RBPMS2: variants seen among roughly 807,000 people sequenced by gnomAD.
RBPMS2 encodes RNA binding protein, mRNA processing factor 2, also known as RNA-binding protein with multiple splicing 2.
A neutral mutation model predicts 25.7 loss-of-function variants in RBPMS2; 14 were observed. The observed-to-expected ratio is 0.55, with a 90% CI of 0.36 to 0.85. RBPMS2 has a LOEUF of 0.85. RBPMS2 is among the 40% of genes least tolerant of loss of function. The pLI, the probability that RBPMS2 is intolerant of heterozygous loss-of-function variation, is 0.01. For synonymous variants in RBPMS2, 127 were observed against 115.6 expected (o/e 1.10, Z -0.63); for missense variants, 252 against 283.4 (o/e 0.89, Z 0.80).
Position 64,750,361 on chromosome 15 carries a change from G to A in RBPMS2, c.186C>T (p.Ile62=), listed in dbSNP as rs61741344. The A allele has an allele frequency of 0.029, 46,402 of 1,613,566 alleles. 3,301 individuals are homozygous for A. The highest frequency in any genetic ancestry group is 0.25 in the South Asian group (22,589 of 90,994). Residue 62 remains isoleucine, a synonymous_variant, in exon 3 of 8, where the codon ATC becomes ATT. Transcript: ENST00000300069. ...RPFKGYEGSL[I]KLTARQPVGF... ...AAATTACCTGTCTTGCAGTGAGCTT[G>A]ATCAGGGACCCTTCATACCCCTGCG...
intron 1 of RBPMS2, among the ~76,000 whole-genome samples, chr15:64,763,106 C>G (rs1037221738): frequency 2.6e-5 from 4 of 152,060 alleles, no homozygotes; most frequent in African/African-American, 9.7e-5. Flanking sequence ...GCCTGGGCCC[C>G]GCGCTTAGGC....
chr15:64,741,003 G>A lies in RBPMS2; in HGVS notation c.*8-3C>T. The A allele has an allele frequency of 5.3e-6, 3 of 566,528 alleles. No individual in the cohort carries two copies. The South Asian group carries it at 6.1e-5, about 12-fold the overall frequency. The allele number at this position is 566,528 out of a possible 1,614,324, so 35.1% of individuals were successfully genotyped here. A position where few individuals can be genotyped will look rare whatever the true frequency, so the allele number is the denominator to read the frequency against. ...AACCACCTCCCCGGTGACCAGACCT[G>A]GAGGGAGGGAGAGAGGCGGCCGTGA... On this transcript the variant is annotated splice_region_variant and splice_polypyrimidine_tract_variant and intron_variant, in intron 7 of 7. Transcript: ENST00000300069.
chr15:64,741,140 C>T (rs1433761019), intron 7 of RBPMS2, 33 bp downstream of exon 7: 9 of 1,516,910 alleles, frequency 5.9e-6, no homozygotes, highest in Non-Finnish European at 8.1e-6. Flanking sequence ...GAGTCTAGGA[C>T]ACTTGTCCTG....
At chr15:64,773,840 G>A (rs948958739) in intron 1 of RBPMS2, among the ~76,000 whole-genome samples, 3 of 152,202 alleles carry the variant, frequency 2.0e-5, no homozygotes, top group African/African-American at 7.2e-5. Flanking sequence ...GATTCTAACA[G>A]CCAGGTAGAG....
rs1321784246 is a variant in RBPMS2, at chr15:64,770,034, CT to C, written c.87+5198del. On this transcript the variant is annotated intron_variant, in intron 1 of 7. Coordinates refer to ENST00000300069, the MANE Select transcript of RBPMS2 (RefSeq NM_194272.3). The stretch of plus-strand genomic sequence containing the variant: ...TCTCTGCTAAAAATATAAAAATTAG[CT>C]GGCCGTAGTGGTGCGCGCCTGTAAT... Among the ~76,000 whole-genome samples, 15 of 152,192 alleles carry C rather than the reference CT, an allele frequency of 9.9e-5. No individual in the cohort carries two copies. In the East Asian group the frequency reaches 2.9e-3, roughly 29 times the overall value.
Position 64,740,736 on chromosome 15 carries a change from A to G in RBPMS2, c.*272T>C, listed in dbSNP as rs930382191. 2 of 162,462 alleles carry G rather than the reference A, an allele frequency of 1.2e-5. No homozygotes were observed. Among genetic ancestry groups the G allele is most frequent in the African/African-American group, 4.8e-5 (2 of 41,666 alleles). The allele number at this position is 162,462 out of a possible 1,614,324, so 10.1% of individuals were successfully genotyped here. A position where few individuals can be genotyped will look rare whatever the true frequency, so the allele number is the denominator to read the frequency against. On this transcript the variant is annotated 3_prime_UTR_variant, in exon 8 of 8. Transcript: ENST00000300069. ...GGGAGGTCAGGCCTTGCCAGGTCCC[A>G]GTGAGGCCTCCGAGCTGGATCTGGG...
Position 64,748,550 on chromosome 15 carries a change from C to T in RBPMS2, c.436G>A (p.Ala146Thr). The change falls in exon 6 of 8, where the codon GCT (alanine) becomes ACT (threonine). Residue 146 changes from alanine (A) to threonine (T), a missense_variant. Ala to Thr is a moderately conservative substitution (Grantham distance 58). Transcript: ENST00000300069. ...GCCTCTGGGGATGCAGGGATCAGAG[C>T]AGCCCCCATCAGGTCATCTACAACA... Reference protein sequence around the residue: ...ARDPYDLMGAALIPASPEAWA... With the variant: ...ARDPYDLMGATLIPASPEAWA... The T allele has an allele frequency of 6.4e-7, 1 of 1,567,400 alleles. No homozygotes were observed.
chr15:64,744,863 A>G (rs75386212), intron 6 of RBPMS2, among the ~76,000 whole-genome samples: 2 of 116,032 alleles, frequency 1.7e-5, no homozygotes, highest in African/African-American at 6.8e-5. Flanking sequence ...CACCCAGGCT[A>G]GAGTGCAGTG....
At chr15:64,763,254 G>A (rs566909564) in intron 1 of RBPMS2, among the ~76,000 whole-genome samples, 1 of 152,150 alleles carries the variant, frequency 6.6e-6, no homozygotes, top group African/African-American at 2.4e-5. Context: ...AAGGACACAG[G>A]GGAAGACAGC....
intron 1 of RBPMS2, among the ~76,000 whole-genome samples, chr15:64,766,936 G>A (rs1283015789): frequency 2.0e-5 from 3 of 151,738 alleles, no homozygotes; most frequent in Admixed American, 2.0e-4. Context: ...GGTGCTCACG[G>A]CCACACCCAG....
chr15:64,742,329 T>C (rs1431596579), intron 6 of RBPMS2, among the ~76,000 whole-genome samples: 1 of 152,162 alleles, frequency 6.6e-6, no homozygotes, highest in Non-Finnish European at 1.5e-5. Flanking sequence ...ATGCCCTCCA[T>C]CACAAGCCTC....
intron 5 of RBPMS2, 62 bp downstream of exon 5, chr15:64,748,938 A>G: frequency 6.3e-7 from 1 of 1,575,634 alleles, no homozygotes; most frequent in Non-Finnish European, 8.7e-7. Flanking sequence ...CCTCTGCAAG[A>G]GCCTGCAAGT....
chr15:64,744,543 A>G (rs2083595363), intron 6 of RBPMS2, among the ~76,000 whole-genome samples: 1 of 138,016 alleles, frequency 7.2e-6, no homozygotes, highest in Non-Finnish European at 1.5e-5. Context: ...GGGCAACAAG[A>G]GTGAAACTCT....
At chr15:64,758,766 C>A (rs536017657) in intron 1 of RBPMS2, among the ~76,000 whole-genome samples, 389 of 152,074 alleles carry the variant, frequency 2.6e-3, no homozygotes, top group African/African-American at 9.2e-3. Flanking sequence ...GTCCATGGAC[C>A]CCACAGGCTA....
chr15:64,753,296 T>C (rs1463224968), intron 1 of RBPMS2, among the ~76,000 whole-genome samples: 1 of 152,128 alleles, frequency 6.6e-6, no homozygotes, highest in Non-Finnish European at 1.5e-5. Flanking sequence ...AAGCATTAAG[T>C]TGCCCTACAG....
chr15:64,751,468 A>G, intron 2 of RBPMS2, 93 bp downstream of exon 2: 2 of 1,080,696 alleles, frequency 1.9e-6, no homozygotes, highest in Non-Finnish European at 2.8e-6. Flanking sequence ...GCCTTCCCGC[A>G]TCATCCTGCT....
intron 1 of RBPMS2, among the ~76,000 whole-genome samples, chr15:64,772,008 A>T (rs1477005200): frequency 2.0e-5 from 3 of 152,184 alleles, no homozygotes; most frequent in Non-Finnish European, 2.9e-5. Context: ...ACTTTAACTC[A>T]TCTCTAGATT....
chr15:64,772,388 G>T (rs2141081517), intron 1 of RBPMS2, among the ~76,000 whole-genome samples: 1 of 152,200 alleles, frequency 6.6e-6, no homozygotes, highest in Non-Finnish European at 1.5e-5. Context: ...CCTCTAGATT[G>T]GGAGGGACAT....
chr15:64,773,123 C>T (rs2083903804), intron 1 of RBPMS2, among the ~76,000 whole-genome samples: 1 of 152,168 alleles, frequency 6.6e-6, no homozygotes, highest in Non-Finnish European at 1.5e-5. Flanking sequence ...GGGAAGAAGC[C>T]ACCTGTGTCA....
Sources: allele counts gnomAD v4.1 joint callset (sites outside exome capture counted in the v4.1 genomes callset), GRCh38; gene constraint gnomAD v4.1.1; transcripts MANE v1.5; gene names NCBI Gene and HGNC (gene_info 2026-07-23, HGNC 2026-07-21).